Variants in KCNH7 observed in about 807,000 individuals in gnomAD.
KCNH7 encodes the protein potassium voltage-gated channel subfamily H member 7, also known as voltage-gated inwardly rectifying potassium channel KCNH7.
In KCNH7, 49 loss-of-function variants were observed where a neutral mutation model predicts 120.8. The ratio of observed to expected loss-of-function variants is 0.41; its 90% CI spans 0.32 to 0.51. The LOEUF (loss-of-function observed/expected upper bound fraction) is 0.51. Among genes scored for constraint, KCNH7 ranks in the 20% least tolerant of loss-of-function variants. KCNH7 has a pLI of 0.38. For synonymous variants in KCNH7, 547 were observed against 516.1 expected, an observed-to-expected ratio of 1.06 and a Z score of -0.81; for missense variants, 1,097 against 1,446.6, an observed-to-expected ratio of 0.76 and a Z score of 3.92.
chr2:162,416,186 C>T (rs1317041137), intron 9 of KCNH7, among the ~76,000 whole-genome samples: 2 of 151,602 alleles, frequency 1.3e-5, no homozygotes, highest in African/African-American at 2.4e-5. Context: ...GTCAGGAGTT[C>T]GTATGGTGAA....
At chr2:162,452,158 G>A (rs75148995) in intron 6 of KCNH7, among the ~76,000 whole-genome samples, 3,106 of 152,058 alleles carry the variant, frequency 0.02, 216 homozygotes, top group Admixed American at 0.15. Flanking sequence ...CCAGAGTTGG[G>A]GGAGAAGAAG....
intron 2 of KCNH7, among the ~76,000 whole-genome samples, chr2:162,568,337 G>T (rs34125016): frequency 1.9e-4 from 29 of 152,086 alleles, no homozygotes; most frequent in Non-Finnish European, 3.5e-4. Context: ...AGAGTAACAT[G>T]CTGTACAGGT....
intron 2 of KCNH7, among the ~76,000 whole-genome samples, chr2:162,805,628 G>A (rs1684511955): frequency 6.6e-6 from 1 of 152,082 alleles, no homozygotes; most frequent in Non-Finnish European, 1.5e-5. Context: ...CTTATACATT[G>A]CTGGTGGGAA....
chr2:162,468,906 A>G (rs1689399623), intron 6 of KCNH7, among the ~76,000 whole-genome samples: 1 of 151,506 alleles, frequency 6.6e-6, no homozygotes, highest in Non-Finnish European at 1.5e-5. Flanking sequence ...GCTGACGTGC[A>G]GTGGCATAAT....
At chr2:162,529,997 A>G (rs1691860256) in intron 3 of KCNH7, among the ~76,000 whole-genome samples, 1 of 151,882 alleles carries the variant, frequency 6.6e-6, no homozygotes, top group South Asian at 2.1e-4. Context: ...ATTTCAGGGG[A>G]CATAAGTCAT....
At chr2:162,688,297 T>C (rs1190804231) in intron 2 of KCNH7, among the ~76,000 whole-genome samples, 1 of 152,140 alleles carries the variant, frequency 6.6e-6, no homozygotes, top group East Asian at 1.9e-4. Flanking sequence ...CACCTCCTTT[T>C]GTCAAATTTA....
At chr2:162,781,968 C>G (rs914707363) in intron 2 of KCNH7, among the ~76,000 whole-genome samples, 1 of 152,174 alleles carries the variant, frequency 6.6e-6, no homozygotes, top group African/African-American at 2.4e-5. Context: ...CGATGAAAAA[C>G]TGACTGGAAT....
chr2:162,505,685 G>A (rs1205033157), intron 5 of KCNH7, among the ~76,000 whole-genome samples: 1 of 151,854 alleles, frequency 6.6e-6, no homozygotes, highest in Admixed American at 6.6e-5. Flanking sequence ...TAACAACAGG[G>A]AGAATTTTAT....
At chr2:162,487,566 C>T (rs1473549681) in intron 6 of KCNH7, among the ~76,000 whole-genome samples, 1 of 152,104 alleles carries the variant, frequency 6.6e-6, no homozygotes, top group Non-Finnish European at 1.5e-5. Context: ...ATATCTAAGG[C>T]TCCTTTGAAT....
intron 2 of KCNH7, among the ~76,000 whole-genome samples, chr2:162,834,421 T>C (rs998678075): frequency 4.6e-5 from 7 of 152,120 alleles, no homozygotes; most frequent in African/African-American, 1.7e-4. Context: ...GTAGATTTTA[T>C]AGTTAACGCT....
intron 2 of KCNH7, among the ~76,000 whole-genome samples, chr2:162,566,526 G>A (rs1693262655): frequency 6.6e-6 from 1 of 151,850 alleles, no homozygotes; most frequent in South Asian, 2.1e-4. Context: ...AAGTGCAAGA[G>A]GGAAAAATAA....
chr2:162,440,609 G>A (rs188555314), intron 7 of KCNH7, among the ~76,000 whole-genome samples: 30 of 152,086 alleles, frequency 2.0e-4, no homozygotes, highest in Non-Finnish European at 3.8e-4. Context: ...TATTTTGAAT[G>A]TGTCTAAAAT....
chr2:162,712,479 T>A (rs1686961485), intron 2 of KCNH7, among the ~76,000 whole-genome samples: 1 of 152,174 alleles, frequency 6.6e-6, no homozygotes, highest in African/African-American at 2.4e-5. Context: ...GACTTTCTGC[T>A]GCATAAGAGG....
At chr2:162,679,175 A>G (rs1250260684) in intron 2 of KCNH7, among the ~76,000 whole-genome samples, 1 of 151,584 alleles carries the variant, frequency 6.6e-6, no homozygotes, top group Non-Finnish European at 1.5e-5. Context: ...GAAATAGAAG[A>G]GACCCCACTA....
chr2:162,412,058 T>C (rs1180421162), intron 9 of KCNH7, among the ~76,000 whole-genome samples: 1 of 151,542 alleles, frequency 6.6e-6, no homozygotes, highest in African/African-American at 2.4e-5. Flanking sequence ...TAAAGAAAAA[T>C]AAATTAACCC....
intron 12 of KCNH7, among the ~76,000 whole-genome samples, chr2:162,386,145 C>T (rs1329225098): frequency 6.6e-6 from 1 of 151,898 alleles, no homozygotes; most frequent in East Asian, 1.9e-4. Context: ...CCTTTCCGAT[C>T]TCCAACATTA....
rs7604235 is a variant in KCNH7 at position 162,544,839 on chromosome 2, C to T, written c.308-7759G>A. ...TTTAATCTATTCAGTCCTACATTGGCTCATGACCGTTTTCCTTCTACCCTC... is the reference window on the plus strand; with the variant it reads ...TTTAATCTATTCAGTCCTACATTGGTTCATGACCGTTTTCCTTCTACCCTC... On this transcript the variant is annotated intron_variant, in intron 2 of 15. Transcript: ENST00000332142. Among the ~76,000 whole-genome samples the T allele has an allele frequency of 5.2e-3, 798 of 152,228 alleles. 4 individuals are homozygous for T. Among genetic ancestry groups the T allele is most frequent in the African/African-American group, 0.016 (675 of 41,556 alleles).
chr2:162,481,071 T>C (rs561133737), intron 6 of KCNH7, among the ~76,000 whole-genome samples: 2 of 152,176 alleles, frequency 1.3e-5, no homozygotes, highest in Non-Finnish European at 2.9e-5. Context: ...TCCTCCAGAC[T>C]GGGTTACGTG....
intron 2 of KCNH7, among the ~76,000 whole-genome samples, chr2:162,753,023 G>GAAAAGAAAAGAA (rs1688653871): frequency 2.1e-5 from 3 of 144,608 alleles, no homozygotes; most frequent in African/African-American, 2.6e-5. Flanking sequence ...GAAAAGAAAA[G>GAAAAGAAAAGAA]AAAAGAAACC....
Sources: allele counts gnomAD v4.1 joint callset (sites outside exome capture counted in the v4.1 genomes callset), GRCh38; gene constraint gnomAD v4.1.1; transcripts MANE v1.5; gene names NCBI Gene and HGNC (gene_info 2026-07-23, HGNC 2026-07-21).